Variants in SHISA6 observed in about 807,000 individuals in gnomAD.
The protein encoded by SHISA6 is shisa family member 6, also known as protein shisa-6.
A neutral mutation model predicts 47.9 loss-of-function variants in SHISA6; 22 were observed. The ratio of observed to expected loss-of-function variants is 0.46; its 90% CI spans 0.33 to 0.66. The LOEUF is 0.66. Among genes scored for constraint, SHISA6 ranks in the 30% least tolerant of loss-of-function variants. The probability of loss-of-function intolerance (pLI) is 0.02; values close to 1 mark genes in which losing one functional copy is unlikely to be tolerated. For missense variants in SHISA6, 680 were observed against 764.6 expected, an observed-to-expected ratio of 0.89 and a Z score of 1.30; for synonymous variants, 388 against 337.8, an observed-to-expected ratio of 1.15 and a Z score of -1.63.
intron 2 of SHISA6, among the ~76,000 whole-genome samples, chr17:11,265,210 A>G (rs1290787578): frequency 1.3e-5 from 2 of 152,246 alleles, no homozygotes; most frequent in African/African-American, 4.8e-5. Flanking sequence ...AGTGTTTTAA[A>G]CAATCTCCCC....
intron 2 of SHISA6, among the ~76,000 whole-genome samples, chr17:11,373,582 A>G (rs1175100590): frequency 6.6e-6 from 1 of 152,180 alleles, no homozygotes; most frequent in South Asian, 2.1e-4. Context: ...AATACTACAT[A>G]TGCACGCATC....
At chr17:11,442,744 G>A (rs1454647531) in intron 3 of SHISA6, among the ~76,000 whole-genome samples, 1 of 152,150 alleles carries the variant, frequency 6.6e-6, no homozygotes, top group African/African-American at 2.4e-5. Context: ...CTCACTACCT[G>A]TGGGAGTGGG....
intron 2 of SHISA6, among the ~76,000 whole-genome samples, chr17:11,341,222 A>G (rs1368445140): frequency 6.6e-6 from 1 of 152,186 alleles, no homozygotes; most frequent in Non-Finnish European, 1.5e-5. Flanking sequence ...ATGCAACAGC[A>G]ACAATAAAAA....
chr17:11,456,802 G>A (rs1184705837), intron 3 of SHISA6, among the ~76,000 whole-genome samples: 1 of 152,122 alleles, frequency 6.6e-6, no homozygotes, highest in Admixed American at 6.5e-5. Flanking sequence ...AACCTGTCAA[G>A]CAAGAAAAAC....
At chr17:11,340,945 G>A (rs1911503509) in intron 2 of SHISA6, among the ~76,000 whole-genome samples, 1 of 152,224 alleles carries the variant, frequency 6.6e-6, no homozygotes. Context: ...TGGGGCCTGT[G>A]GAGCCCTGCT....
At chr17:11,533,591 T>TA (rs200720196) in intron 3 of SHISA6, among the ~76,000 whole-genome samples, 2,728 of 85,340 alleles carry the variant, frequency 0.032, 90 homozygotes, top group African/African-American at 0.11. Flanking sequence ...TTCATTATTT[T>TA]TTTTTTTTTT....
At chr17:11,466,468 C>G (rs2142317897) in intron 3 of SHISA6, among the ~76,000 whole-genome samples, 1 of 152,306 alleles carries the variant, frequency 6.6e-6, no homozygotes, top group South Asian at 2.1e-4. Flanking sequence ...TGCAAAGTCC[C>G]TTTTGCCATG....
At chr17:11,312,947 C>T (rs78428717) in intron 2 of SHISA6, among the ~76,000 whole-genome samples, 3,029 of 152,252 alleles carry the variant, frequency 0.02, 103 homozygotes, top group African/African-American at 0.063. Context: ...CTTATAAACT[C>T]TGTCAAACAA....
intron 3 of SHISA6, among the ~76,000 whole-genome samples, chr17:11,402,096 G>T (rs555553761): frequency 6.8e-4 from 103 of 152,302 alleles, no homozygotes; most frequent in Non-Finnish European, 1.2e-3. Context: ...GAGAATGTTT[G>T]TGATTAGGCT....
At chr17:11,286,969 G>A (rs78036201) in intron 2 of SHISA6, among the ~76,000 whole-genome samples, 5,471 of 152,276 alleles carry the variant, frequency 0.036, 176 homozygotes, top group East Asian at 0.11. Flanking sequence ...AGCTTGACCA[G>A]CAGACATGAC....
At chr17:11,345,884 T>TA (rs143678148) in intron 2 of SHISA6, among the ~76,000 whole-genome samples, 2,912 of 152,066 alleles carry the variant, frequency 0.019, 63 homozygotes, top group East Asian at 0.063. Flanking sequence ...ATTTTCTATA[T>TA]AAAAGATTAT....
At chr17:11,529,854 A>G (rs532726712) in intron 3 of SHISA6, among the ~76,000 whole-genome samples, 2 of 152,194 alleles carry the variant, frequency 1.3e-5, no homozygotes, top group Non-Finnish European at 2.9e-5. Flanking sequence ...GGCAAAAGAA[A>G]TGATCAAACA....
At chr17:11,360,904 A>G (rs1912251399) in intron 2 of SHISA6, among the ~76,000 whole-genome samples, 1 of 151,834 alleles carries the variant, frequency 6.6e-6, no homozygotes, top group African/African-American at 2.4e-5. Flanking sequence ...TGTCTGTAAA[A>G]GAAACTGTTG....
chr17:11,526,927 ATATAT>A (rs2071691265), intron 3 of SHISA6, among the ~76,000 whole-genome samples: 1 of 25,124 alleles, frequency 4.0e-5, no homozygotes, highest in African/African-American at 1.8e-4. Flanking sequence ...ATATATATAT[ATATAT>A]ATATTATAAT....
intron 2 of SHISA6, among the ~76,000 whole-genome samples, chr17:11,301,137 C>A (rs915095886): frequency 1.3e-5 from 2 of 152,026 alleles, no homozygotes; most frequent in African/African-American, 4.8e-5. Context: ...TGTGCTGAGC[C>A]CGGTAGCAGA....
chr17:11,345,949 A>T (rs188409953), intron 2 of SHISA6, among the ~76,000 whole-genome samples: 62 of 152,202 alleles, frequency 4.1e-4, no homozygotes, highest in African/African-American at 1.5e-3. Flanking sequence ...CTTATCTTTT[A>T]CTTCTTTTAC....
At chr17:11,257,627 C>T (rs1299774704) in intron 1 of SHISA6, among the ~76,000 whole-genome samples, 1 of 146,120 alleles carries the variant, frequency 6.8e-6, no homozygotes, top group Admixed American at 7.0e-5. Context: ...CACCACTGCA[C>T]TGCAGCCTGG....
chr17:11,556,426 G>A (rs985772179), intron 5 of SHISA6, among the ~76,000 whole-genome samples: 1 of 152,176 alleles, frequency 6.6e-6, no homozygotes, highest in Admixed American at 6.5e-5. Context: ...TGCCTCTTGA[G>A]TCTGGGGAGA....
At chr17:11,300,662 T>TA (rs1909893679) in intron 2 of SHISA6, among the ~76,000 whole-genome samples, 1 of 151,718 alleles carries the variant, frequency 6.6e-6, no homozygotes, top group African/African-American at 2.4e-5. Context: ...GACTTTTTTT[T>TA]CTTTTTCTTT....
Sources: allele counts gnomAD v4.1 joint callset (sites outside exome capture counted in the v4.1 genomes callset), GRCh38; gene constraint gnomAD v4.1.1; transcripts MANE v1.5; gene names NCBI Gene and HGNC (gene_info 2026-07-23, HGNC 2026-07-21).